SARDH: variants seen among roughly 807,000 people sequenced by gnomAD.
SARDH encodes sarcosine dehydrogenase, mitochondrial.
Under a neutral mutation model 109.1 loss-of-function variants are expected in SARDH, and 95 were observed. The ratio of observed to expected loss-of-function variants is 0.87; its 90% CI spans 0.74 to 1.03. The LOEUF (loss-of-function observed/expected upper bound fraction) is 1.03. SARDH is among the 50% of genes least tolerant of loss of function. The pLI, the probability that SARDH is intolerant of heterozygous loss-of-function variation, is 0.00. For synonymous variants in SARDH, 572 were observed against 534.8 expected (o/e 1.07, Z -0.96); for missense variants, 1,267 against 1,287.8 (o/e 0.98, Z 0.25).
rs201080462 is a variant in SARDH, at chr9:133,696,227, G to A, written c.1803C>T (p.Pro601=). 2 of 1,613,760 alleles carry A rather than the reference G, an allele frequency of 1.2e-6. No homozygotes were observed. Among genetic ancestry groups the A allele is most frequent in the Non-Finnish European group, 8.5e-7 (1 of 1,180,002 alleles). Reference sequence around the variant, plus strand: ...CCCCAACCTCAGGCTCCATACCTGGGGGTCGGCTGACATCTGCGGAGAAGA... The same window carrying A: ...CCCCAACCTCAGGCTCCATACCTGGAGGTCGGCTGACATCTGCGGAGAAGA... ...DWLFSADVSR[P]PGSTVYTCML... The change falls in exon 14 of 21, where the codon CCC becomes CCT. Residue 601 remains proline, a synonymous_variant. Transcript: ENST00000439388.
chr9:133,717,195 C>G (rs947982950), intron 8 of SARDH, 131 bp downstream of exon 8: 6 of 1,154,236 alleles, frequency 5.2e-6, no homozygotes, highest in Non-Finnish European at 7.4e-6. Context: ...TGGAGCCAAG[C>G]AGCGAGAGGG....
At chr9:133,694,947 G>A (rs2131393325) in intron 14 of SARDH, among the ~76,000 whole-genome samples, 1 of 152,270 alleles carries the variant, frequency 6.6e-6, no homozygotes, top group South Asian at 2.1e-4. Flanking sequence ...AATGGGAGGT[G>A]AGCAGCAGGT....
downstream of SARDH, among the ~76,000 whole-genome samples, chr9:133,662,965 G>A (rs1239323597): frequency 3.3e-5 from 5 of 152,240 alleles, no homozygotes; most frequent in Non-Finnish European, 7.3e-5. This position sits in a 1 kb window ranked among gnomAD's most constrained non-coding sequence, Gnocchi z 5.1. Context: ...AGGGGGAAGA[G>A]AAGGTGGGCA....
In SARDH at chr9:133,663,764, C is replaced by T. The variant is rs1829960335; in HGVS notation, c.*125G>A. The T allele has an allele frequency of 1.5e-6, 2 of 1,369,294 alleles. No homozygotes were observed. Among genetic ancestry groups the T allele is most frequent in the African/African-American group, 2.9e-5 (2 of 69,084 alleles). 84.8% of individuals were successfully genotyped at this position (1,369,294 alleles called of 1,614,324 possible). ...ATCTGGTTTGGGGGTTTTCGCAGGA[C>T]TAGGCCTAGGCTAAGGACAGGGAGG... On this transcript the variant is annotated 3_prime_UTR_variant, in exon 21 of 21. Transcript: ENST00000439388.
chr9:133,670,730 G>A lies in SARDH; in HGVS notation c.2349C>T (p.Asp783=), dbSNP rs764858472. The change falls in exon 19 of 21, where the codon GAC becomes GAT. Residue 783 remains aspartate, a synonymous_variant. Coordinates refer to ENST00000439388, the MANE Select transcript of SARDH (RefSeq NM_001134707.2). ...CCAGGGGGCTGTCGTCTGGCCGCAG[G>A]TCCGCGTGCCAGTGCCGGTAGCCTG... ...IEKGYRHWHA[D]LRPDDSPLEA... is the part of the protein sequence containing the mutation. 1.9e-6 allele frequency: 3 copies of A among 1,591,262 alleles called. No individual in the cohort carries two copies. In the Admixed American group the frequency reaches 5.3e-5, roughly 28 times the overall value.
chr9:133,725,690 A>AAAACAAAAC (rs1554759669), intron 6 of SARDH: 2 of 259,000 alleles, frequency 7.7e-6, no homozygotes, highest in South Asian at 3.5e-5. Flanking sequence ...AAAACAAAAC[A>AAAACAAAAC]AAACAAACAA....
Position 133,734,093 on chromosome 9 carries a change from G to T in SARDH, c.81C>A (p.Asn27Lys), listed in dbSNP as rs758105611. The change falls in exon 2 of 21, where the codon AAC becomes AAA. Residue 27 changes from asparagine (N) to lysine (K), a missense_variant. By Grantham distance (94) the Asn-to-Lys change is moderately conservative. Transcript: ENST00000439388. ...QSPTRGMGPC[N>K]LSSAAGPTAE... ...CTGTGGGGCCAGCTGCGCTGGACAG[G>T]TTGCATGGCCCCATGCCCCGGGTAG... The T allele has an allele frequency of 6.2e-7, 1 of 1,612,926 alleles. No individual in the cohort carries two copies. The highest frequency in any genetic ancestry group is 8.5e-7 in the Non-Finnish European group (1 of 1,179,876).
chr9:133,693,861 G>A lies in SARDH; in HGVS notation c.1921+397C>T, dbSNP rs926270303. On this transcript the variant is annotated intron_variant, in intron 15 of 20. Coordinates refer to ENST00000439388, the MANE Select transcript of SARDH (RefSeq NM_001134707.2). The surrounding 1 kb of genome is among the most constrained non-coding windows in gnomAD (Gnocchi z 5.6). ...GGGCCTATCCAAGCTCCAGACTAGAGGGTCACACGGGCCTGAGAAGTCAAC... is the reference window on the plus strand; with the variant it reads ...GGGCCTATCCAAGCTCCAGACTAGAAGGTCACACGGGCCTGAGAAGTCAAC... Among the ~76,000 whole-genome samples the A allele has an allele frequency of 6.6e-6, 1 of 152,240 alleles. No homozygotes were observed. Among genetic ancestry groups the A allele is most frequent in the East Asian group, 1.9e-4 (1 of 5,204 alleles).
At chr9:133,694,897 G>A (rs1234558507) in intron 14 of SARDH, among the ~76,000 whole-genome samples, 2 of 152,170 alleles carry the variant, frequency 1.3e-5, no homozygotes, top group African/African-American at 4.8e-5. Flanking sequence ...TGTGTGGGCT[G>A]GTGGATGGGT....
chr9:133,693,517 C>A lies in SARDH; in HGVS notation c.1921+741G>T, dbSNP rs1183833017. ...AGCACAGAGAGCTGCACGGTCAGCACCTTCCCCTGTGCAGGTCCCATCCCA... is the reference window on the plus strand; with the variant it reads ...AGCACAGAGAGCTGCACGGTCAGCAACTTCCCCTGTGCAGGTCCCATCCCA... On this transcript the variant is annotated intron_variant, in intron 15 of 20. Coordinates refer to ENST00000439388, the MANE Select transcript of SARDH (RefSeq NM_001134707.2). This position sits in a 1 kb window ranked among gnomAD's most constrained non-coding sequence, Gnocchi z 5.6. 6.6e-6 allele frequency among the ~76,000 whole-genome samples: 1 copy of A among 152,222 alleles called. No individual in the cohort carries two copies. Among genetic ancestry groups the A allele is most frequent in the African/African-American group, 2.4e-5 (1 of 41,460 alleles).
intron 5 of SARDH, 91 bp from the exon 6 acceptor site, chr9:133,729,956 G>A: frequency 6.3e-7 from 1 of 1,589,312 alleles, no homozygotes; most frequent in Non-Finnish European, 8.6e-7. Context: ...AGACCTGTCT[G>A]CCCTAGCAGG....
intron 17 of SARDH, among the ~76,000 whole-genome samples, chr9:133,680,467 C>T (rs1022484405): frequency 6.6e-6 from 1 of 152,244 alleles, no homozygotes; most frequent in Non-Finnish European, 1.5e-5. Context: ...CAGGCTGGGG[C>T]CACCTGGGAG....
At chr9:133,710,020 T>C (rs1452245645) in intron 10 of SARDH, among the ~76,000 whole-genome samples, 2 of 152,148 alleles carry the variant, frequency 1.3e-5, no homozygotes, top group Non-Finnish European at 2.9e-5. Flanking sequence ...CAGCTGCCAA[T>C]TCGGCCTGTG....
At chr9:133,694,199 C>G in intron 15 of SARDH, 59 bp downstream of exon 15, 1 of 1,286,474 alleles carries the variant, frequency 7.8e-7, no homozygotes, top group Non-Finnish European at 1.1e-6. Context: ...CTGTCCACAA[C>G]CACCAGTCCA....
At chr9:133,681,745 C>A (rs1180939885) in intron 17 of SARDH, among the ~76,000 whole-genome samples, 1 of 152,210 alleles carries the variant, frequency 6.6e-6, no homozygotes, top group Admixed American at 6.5e-5. Flanking sequence ...CGTGAGCTGA[C>A]GGTGCTGGGA....
chr9:133,670,717 C>T lies in SARDH; in HGVS notation c.2362G>A (p.Asp788Asn), dbSNP rs764271310. Residue 788 changes from aspartate (D) to asparagine (N), a missense_variant, in exon 19 of 21, where the codon GAC (aspartate) becomes AAC (asparagine). Transcript: ENST00000439388. ...RHWHADLRPD[D>N]SPLEAGLAFT... ...GCCAGGCCTGCCTCCAGGGGGCTGT[C>T]GTCTGGCCGCAGGTCCGCGTGCCAG... 6.9e-6 allele frequency: 11 copies of T among 1,599,626 alleles called. No individual in the cohort carries two copies. Among genetic ancestry groups the T allele is most frequent in the Non-Finnish European group, 9.4e-6 (11 of 1,174,042 alleles).
At chr9:133,735,766 G>A (rs553206675) in intron 1 of SARDH, among the ~76,000 whole-genome samples, 14 of 152,322 alleles carry the variant, frequency 9.2e-5, no homozygotes, top group Admixed American at 5.9e-4. Flanking sequence ...TAATGAGGCC[G>A]GGCTCTGTGG....
chr9:133,738,815 C>T (rs1046007991), upstream of SARDH, among the ~76,000 whole-genome samples: 1 of 152,210 alleles, frequency 6.6e-6, no homozygotes, highest in Non-Finnish European at 1.5e-5. Context: ...TGCTCACTGC[C>T]TTCAGAGGCG....
At chr9:133,673,099 C>T (rs1036464097) in intron 17 of SARDH, among the ~76,000 whole-genome samples, 11 of 152,232 alleles carry the variant, frequency 7.2e-5, no homozygotes, top group Middle Eastern at 3.2e-3. Flanking sequence ...CACCCTGCTC[C>T]GCTGAGGACA....
Sources: allele counts gnomAD v4.1 joint callset (sites outside exome capture counted in the v4.1 genomes callset), GRCh38; gene constraint gnomAD v4.1.1; non-coding constraint Gnocchi (gnomAD v3.1); transcripts MANE v1.5; gene names NCBI Gene and HGNC (gene_info 2026-07-23, HGNC 2026-07-21).